The following ATL2 variants were observed in gnomAD, a reference collection of about 807,000 sequenced individuals.
ATL2 encodes the protein atlastin GTPase 2, also known as atlastin-2.
Under a neutral mutation model 73.9 loss-of-function variants are expected in ATL2, and 31 were observed. The observed-to-expected ratio is 0.42, with a 90% CI of 0.32 to 0.57. The LOEUF (loss-of-function observed/expected upper bound fraction) is 0.57. Ranked by LOEUF, ATL2 falls within the 20% of genes least tolerant of loss-of-function variation. The probability of loss-of-function intolerance (pLI) is 0.14; values close to 1 mark genes in which losing one functional copy is unlikely to be tolerated. For missense variants in ATL2, 738 were observed against 702.6 expected (o/e 1.05, Z -0.57); for synonymous variants, 291 against 237.5 (o/e 1.23, Z -2.07).
At chr2:38,307,843 G>A (rs535635867) in intron 9 of ATL2, among the ~76,000 whole-genome samples, 1 of 151,978 alleles carries the variant, frequency 6.6e-6, no homozygotes, top group African/African-American at 2.4e-5. Flanking sequence ...CAAACAAATG[G>A]GATACAGGAT....
chr2:38,309,556 C>T (rs1667635837), intron 8 of ATL2, 50 bp from the exon 9 acceptor site: 6 of 1,540,658 alleles, frequency 3.9e-6, no homozygotes, highest in Non-Finnish European at 4.4e-6. Context: ...AAATTAGGTC[C>T]CCACTGGTAC....
intron 1 of ATL2, among the ~76,000 whole-genome samples, chr2:38,370,539 G>A (rs1334505849): frequency 6.6e-6 from 1 of 151,388 alleles, no homozygotes; most frequent in Non-Finnish European, 1.5e-5. Flanking sequence ...GGGAGCCCAA[G>A]GCGGGCGGAT....
chr2:38,317,860 T>G (rs1417926868), intron 4 of ATL2, among the ~76,000 whole-genome samples: 1 of 152,228 alleles, frequency 6.6e-6, no homozygotes, highest in African/African-American at 2.4e-5. Flanking sequence ...GTTGGTTTAT[T>G]GCATCCTTTG....
chr2:38,299,322 T>A lies in ATL2; in HGVS notation c.1134A>T (p.Thr378=). The A allele has an allele frequency of 6.6e-7, 1 of 1,514,652 alleles. No individual in the cohort carries two copies. The highest frequency in any genetic ancestry group is 8.7e-7 in the Non-Finnish European group (1 of 1,144,498). The allele number at this position is 1,514,652 out of a possible 1,614,324, so 93.8% of individuals were successfully genotyped here. Residue 378 remains threonine, a synonymous_variant, in exon 11 of 13, where the codon ACA becomes ACT. Transcript: ENST00000378954. The stretch of plus-strand genomic sequence containing the variant: ...CTGCAGCAAGATTATTAGCTTCAGC[T>A]GTTGCCTAAAAAATAAAATATGCCA... ...LPHPKSMLQA[T]AEANNLAAVA...
chr2:38,331,771 G>C (rs887845447), intron 2 of ATL2, among the ~76,000 whole-genome samples: 1 of 151,866 alleles, frequency 6.6e-6, no homozygotes, highest in Non-Finnish European at 1.5e-5. Context: ...AAATGGTGCT[G>C]GGACAAATAG....
At position 38,370,162 on chromosome 2, in the gene ATL2, AAAAAAAAAAG is replaced by A. The variant is rs1358885527; in HGVS notation, c.118+6971_118+6980del. ...AGCGAGACTCCGTCAAAAAAAAAAA[AAAAAAAAAAG>A]AAAGAAAATCAAGACCGGGCGGTCG... On this transcript the variant is annotated intron_variant, in intron 1 of 12. Transcript: ENST00000378954. 1.4e-3 allele frequency among the ~76,000 whole-genome samples: 207 copies of A among 149,080 alleles called. 5 individuals carry two copies. Among genetic ancestry groups the A allele is most frequent in the South Asian group, 6.7e-3 (32 of 4,758 alleles).
chr2:38,344,214 G>T (rs56306951), intron 1 of ATL2, among the ~76,000 whole-genome samples: 16,252 of 151,916 alleles, frequency 0.11, 2,838 homozygotes, highest in African/African-American at 0.37. Flanking sequence ...ACTAAAGAGG[G>T]GAAAAATCAA....
chr2:38,314,229 G>T (rs1667905834), intron 6 of ATL2, among the ~76,000 whole-genome samples: 1 of 151,906 alleles, frequency 6.6e-6, no homozygotes, highest in South Asian at 2.1e-4. Context: ...AAGAGTAACA[G>T]AACTAATTTC....
chr2:38,346,551 G>A (rs369623411), intron 1 of ATL2, among the ~76,000 whole-genome samples: 1 of 152,174 alleles, frequency 6.6e-6, no homozygotes, highest in Non-Finnish European at 1.5e-5. Context: ...TTCCACAGAA[G>A]GGGGAGCAGT....
rs539108862 is a variant in ATL2 at position 38,365,679 on chromosome 2, G to T, written c.118+11464C>A. Among the ~76,000 whole-genome samples, 522 of 122,360 alleles carry T rather than the reference G, an allele frequency of 4.3e-3. 4 individuals carry two copies. The highest frequency in any genetic ancestry group is 0.031 in the African/African-American group (499 of 15,848). The allele number at this position is 122,360 out of a possible 152,430, so 80.3% of individuals were successfully genotyped here. The stretch of plus-strand genomic sequence containing the variant: ...GAGGGCGGGTACCTGTAGTCCCTTG[G>T]GAGTAGCTACTTGGGAGGCTGAGGC... On this transcript the variant is annotated intron_variant, in intron 1 of 12. Coordinates refer to ENST00000378954, the MANE Select transcript of ATL2 (RefSeq NM_001135673.4).
intron 9 of ATL2, among the ~76,000 whole-genome samples, chr2:38,301,316 G>A (rs1028857405): frequency 2.0e-5 from 3 of 152,156 alleles, no homozygotes; most frequent in African/African-American, 7.2e-5. Flanking sequence ...TGGGAAGGAG[G>A]CAGAGCAAGA....
At chr2:38,338,864 AC>A (rs1407385097) in intron 2 of ATL2, among the ~76,000 whole-genome samples, 2 of 152,160 alleles carry the variant, frequency 1.3e-5, no homozygotes, top group Non-Finnish European at 2.9e-5. Context: ...TCTAACCATG[AC>A]AGAAATGTAA....
chr2:38,328,399 T>C (rs1473728659), intron 2 of ATL2, among the ~76,000 whole-genome samples: 1 of 152,172 alleles, frequency 6.6e-6, no homozygotes, highest in Non-Finnish European at 1.5e-5. Context: ...ACAAAGAACA[T>C]TCACCAAGGT....
intron 1 of ATL2, among the ~76,000 whole-genome samples, chr2:38,365,168 T>TACAC (rs143111604): frequency 8.6e-4 from 116 of 135,366 alleles, no homozygotes; most frequent in African/African-American, 1.2e-3. Flanking sequence ...CACACACAAA[T>TACAC]ACACACACAC....
intron 11 of ATL2, among the ~76,000 whole-genome samples, chr2:38,298,869 T>A (rs1013494346): frequency 6.6e-6 from 1 of 152,144 alleles, no homozygotes; most frequent in Admixed American, 6.5e-5. Flanking sequence ...GCACACAAAA[T>A]TGCTGGCAAG....
At chr2:38,365,168 T>TACACACAC (rs143111604) in intron 1 of ATL2, among the ~76,000 whole-genome samples, 10 of 135,370 alleles carry the variant, frequency 7.4e-5, no homozygotes, top group Non-Finnish European at 1.6e-4. Context: ...CACACACAAA[T>TACACACAC]ACACACACAC....
At chr2:38,334,892 A>ATATATTATTTATAATATATAAATATATT (rs1558422964) in intron 2 of ATL2, among the ~76,000 whole-genome samples, 24 of 113,402 alleles carry the variant, frequency 2.1e-4, no homozygotes, top group Non-Finnish European at 3.9e-4. Context: ...ATAATATATA[A>ATATATTATTTATAATATATAAATATATT]TATATATTAT....
At chr2:38,325,665 C>A (rs1350450222) in intron 2 of ATL2, among the ~76,000 whole-genome samples, 1 of 33,404 alleles carries the variant, frequency 3.0e-5, no homozygotes, top group Non-Finnish European at 4.7e-5. Flanking sequence ...CACCAGTACA[C>A]ACACACACAC....
Position 38,343,475 on chromosome 2 carries a change from A to G in ATL2, c.156T>C (p.Asp52=). The change falls in exon 2 of 13, where the codon GAT becomes GAC. Residue 52 remains aspartate, a synonymous_variant. Transcript: ENST00000378954. ...NYEDDDLVNS[D]EVMKKPCPVQ... is the part of the protein sequence containing the mutation. ...CTGGACATGGTTTCTTCATAACCTC[A>G]TCAGAATTTACTAGGTCATCATCTT... 1.2e-6 allele frequency: 2 copies of G among 1,608,788 alleles called. No homozygotes were observed. The highest frequency in any genetic ancestry group is 1.7e-6 in the Non-Finnish European group (2 of 1,176,856).
Sources: gnomAD v4.1 joint callset for allele counts (sites outside exome capture counted in the v4.1 genomes callset) on GRCh38, gnomAD v4.1.1 for gene constraint, MANE v1.5 for transcripts, NCBI Gene and HGNC (gene_info 2026-07-23, HGNC 2026-07-21) for gene names.